Variants in SYNJ1 observed in about 807,000 individuals in gnomAD.
SYNJ1 encodes polyphosphatidylinositol phosphatase SYNJ1.
In SYNJ1, 78 loss-of-function variants were observed where a neutral mutation model predicts 168.2. The observed-to-expected ratio is 0.46, with a 90% CI of 0.39 to 0.56. The LOEUF is 0.56. Ranked by LOEUF, SYNJ1 falls within the 20% of genes least tolerant of loss-of-function variation. SYNJ1 has a pLI of 0.00. For missense variants in SYNJ1, 1,303 were observed against 1,597.6 expected, an observed-to-expected ratio of 0.82 and a Z score of 3.14; for synonymous variants, 539 against 548.6, an observed-to-expected ratio of 0.98 and a Z score of 0.24.
At chr21:32,682,983 C>G (rs574727974) in intron 10 of SYNJ1, among the ~76,000 whole-genome samples, 2 of 152,170 alleles carry the variant, frequency 1.3e-5, no homozygotes, top group East Asian at 1.9e-4. Flanking sequence ...AAAATCCAAA[C>G]AGTAAAATTT....
chr21:32,696,006 T>C (rs1428049830), intron 4 of SYNJ1, among the ~76,000 whole-genome samples: 1 of 152,030 alleles, frequency 6.6e-6, no homozygotes, highest in Non-Finnish European at 1.5e-5. Flanking sequence ...ACCACCATGC[T>C]TGGCTAATTT....
chr21:32,657,539 TAA>T (rs1407400458), intron 19 of SYNJ1, among the ~76,000 whole-genome samples, 175 bp downstream of exon 19: 2 of 152,230 alleles, frequency 1.3e-5, no homozygotes, highest in Non-Finnish European at 2.9e-5. Flanking sequence ...AAAAATTAAA[TAA>T]GTTATTATAA....
Position 32,630,895 on chromosome 21 carries a change from C to T in SYNJ1, c.*910G>A. 8.9e-7 allele frequency: 1 copy of T among 1,128,434 alleles called. No homozygotes were observed. The highest frequency in any genetic ancestry group is 1.6e-5 in the South Asian group (1 of 62,352). The allele number at this position is 1,128,434 out of a possible 1,614,324, so 69.9% of individuals were successfully genotyped here. ...GTGGTGTTTTGTGAAGATATCAGTG[C>T]ACTTACAATGACTTATTGCACATAA... On this transcript the variant is annotated 3_prime_UTR_variant, in exon 33 of 33. Transcript: ENST00000674351.
chr21:32,664,685 T>C (rs1418898405), intron 18 of SYNJ1, among the ~76,000 whole-genome samples: 1 of 152,136 alleles, frequency 6.6e-6, no homozygotes. Flanking sequence ...CCGCTGCTGC[T>C]CCCAGCTGAA....
intron 21 of SYNJ1, among the ~76,000 whole-genome samples, chr21:32,655,142 T>A (rs1375368503): frequency 6.6e-6 from 1 of 152,230 alleles, no homozygotes; most frequent in East Asian, 1.9e-4. Flanking sequence ...CTTTAGAGGT[T>A]GGGTTATAAA....
At chr21:32,693,458 T>C (rs2042098768) in intron 6 of SYNJ1, among the ~76,000 whole-genome samples, 1 of 152,212 alleles carries the variant, frequency 6.6e-6, no homozygotes. Context: ...TCTGTAATTT[T>C]TCTCTGCAAT....
chr21:32,678,662 G>A lies in SYNJ1; in HGVS notation c.1493C>T (p.Thr498Ile). 1 of 1,608,412 alleles carries A rather than the reference G, an allele frequency of 6.2e-7. No individual in the cohort carries two copies. Among genetic ancestry groups the A allele is most frequent in the Non-Finnish European group, 8.5e-7 (1 of 1,178,568 alleles). ...DLADKARALL[T>I]TGSLRVSEQT... ...GCACATACCACGCAAACTTCCAGTA[G>A]TTAAAAGTGCTCGAGCTTTGTCAGC... is the stretch of plus-strand genomic sequence containing the variant. The change falls in exon 12 of 33, where the codon ACT (threonine) becomes ATT (isoleucine). Residue 498 changes from threonine to isoleucine, a missense_variant. Physicochemically the swap from Thr to Ile is moderately conservative, Grantham distance 89. This residue lies in a region of SYNJ1 where 920 missense variants were observed against 1,208.8 expected (regional missense o/e 0.76). Coordinates refer to ENST00000674351, the MANE Select transcript of SYNJ1 (RefSeq NM_203446.3).
chr21:32,650,145 T>C (rs2145808662), intron 23 of SYNJ1, 39 bp downstream of exon 23: 2 of 1,559,698 alleles, frequency 1.3e-6, no homozygotes, highest in East Asian at 4.6e-5. Context: ...AGAAAACATA[T>C]CTAGAACTAC....
At chr21:32,690,689 G>A (rs1017535385) in intron 6 of SYNJ1, among the ~76,000 whole-genome samples, 1 of 151,396 alleles carries the variant, frequency 6.6e-6, no homozygotes, top group Non-Finnish European at 1.5e-5. Context: ...TCAGGAGTTC[G>A]AGACCAGCGG....
At chr21:32,641,771 C>G (rs2039847232) in intron 29 of SYNJ1, 125 bp downstream of exon 29, 1 of 614,910 alleles carries the variant, frequency 1.6e-6, no homozygotes, top group Non-Finnish European at 2.8e-6. Flanking sequence ...GCAATTCCCT[C>G]ATTTTAGAGA....
intron 15 of SYNJ1, among the ~76,000 whole-genome samples, chr21:32,669,219 T>C (rs534037773): frequency 9.2e-5 from 14 of 152,342 alleles, no homozygotes; most frequent in African/African-American, 3.4e-4. Flanking sequence ...CAATTTTCCC[T>C]TAAAAGAACT....
At chr21:32,652,819 C>T (rs545108800) in intron 22 of SYNJ1, among the ~76,000 whole-genome samples, 1 of 152,292 alleles carries the variant, frequency 6.6e-6, no homozygotes, top group African/African-American at 2.4e-5. Context: ...TGGGATGGAT[C>T]TGTTATCTCT....
chr21:32,656,502 C>G (rs1320669325), intron 21 of SYNJ1, among the ~76,000 whole-genome samples, 185 bp downstream of exon 21: 2 of 152,052 alleles, frequency 1.3e-5, no homozygotes, highest in Non-Finnish European at 1.5e-5. Flanking sequence ...GTTATAAAAA[C>G]CTACAGAATA....
At chr21:32,642,578 C>T (rs1165025541) in intron 27 of SYNJ1, among the ~76,000 whole-genome samples, 3 of 152,200 alleles carry the variant, frequency 2.0e-5, no homozygotes, top group Middle Eastern at 3.2e-3. Flanking sequence ...AGTAGCAATA[C>T]TTTAGGGCTT....
intron 2 of SYNJ1, among the ~76,000 whole-genome samples, chr21:32,722,280 G>A (rs927109880): frequency 6.7e-6 from 1 of 150,350 alleles, no homozygotes; most frequent in African/African-American, 2.4e-5. Context: ...GCTGGGCTTG[G>A]TGGCTCACGC....
intron 4 of SYNJ1, among the ~76,000 whole-genome samples, chr21:32,698,536 C>G (rs1490825448): frequency 6.6e-6 from 1 of 152,170 alleles, no homozygotes; most frequent in South Asian, 2.1e-4. Flanking sequence ...TATAATAATA[C>G]ATAATTTGCA....
At chr21:32,640,441 G>GC (rs892907177) in intron 29 of SYNJ1, among the ~76,000 whole-genome samples, 1 of 152,016 alleles carries the variant, frequency 6.6e-6, no homozygotes, top group Non-Finnish European at 1.5e-5. Flanking sequence ...GACTACAGGC[G>GC]CCCGCCACCA....
At position 32,629,607 on chromosome 21, in the gene SYNJ1, T is replaced by G. The variant is rs1048243937; in HGVS notation, c.*2198A>C. The G allele has an allele frequency of 2.6e-5, 4 of 152,570 alleles. No individual in the cohort carries two copies. The highest frequency in any genetic ancestry group is 9.7e-5 in the African/African-American group (4 of 41,444). 9.5% of individuals were successfully genotyped at this position (152,570 alleles called of 1,614,324 possible). On this transcript the variant is annotated 3_prime_UTR_variant, in exon 33 of 33. Coordinates refer to ENST00000674351, the MANE Select transcript of SYNJ1 (RefSeq NM_203446.3). ...CATCTTTAAAGGTTAAGTGTGGACA[T>G]AGGAATTTAGGTGGACATATACAAC... is the stretch of plus-strand genomic sequence containing the variant.
Position 32,666,058 on chromosome 21 carries a change from A to T in SYNJ1, c.2030T>A (p.Leu677His). The T allele has an allele frequency of 6.2e-7, 1 of 1,614,100 alleles. No individual in the cohort carries two copies. Among genetic ancestry groups the T allele is most frequent in the Non-Finnish European group, 8.5e-7 (1 of 1,179,994 alleles). Residue 677 changes from leucine (L) to histidine (H), a missense_variant, in exon 17 of 33, where the codon CTC becomes CAC. Around this residue, in one of 2 missense-constraint regions of SYNJ1, gnomAD observed 920 missense variants for 1,208.8 expected, o/e 0.76. Transcript: ENST00000674351. ...GNKGAVAIRM[L>H]FHTTSLCFVC... ...GAAGCAAAGGCTGGTTGTATGGAAG[A>T]GCATTCGGATTGCAACTGCTCCCTT... is the stretch of plus-strand genomic sequence containing the variant.
Sources: gnomAD v4.1 joint callset for allele counts (sites outside exome capture counted in the v4.1 genomes callset) on GRCh38, gnomAD v4.1.1 for gene constraint, gnomAD v4.1.1 regional missense constraint, MANE v1.5 for transcripts, NCBI Gene and HGNC (gene_info 2026-07-23, HGNC 2026-07-21) for gene names.